Variants in CTNNA2 observed in about 807,000 individuals in gnomAD.
CTNNA2 encodes catenin alpha-2.
A neutral mutation model predicts 101.0 loss-of-function variants in CTNNA2; 42 were observed. The observed-to-expected ratio is 0.42, with a 90% CI of 0.32 to 0.54. The LOEUF (loss-of-function observed/expected upper bound fraction) is 0.54, where lower values mean the gene tolerates loss of function less well. Ranked by LOEUF, CTNNA2 falls within the 20% of genes least tolerant of loss-of-function variation. The pLI, the probability that CTNNA2 is intolerant of heterozygous loss-of-function variation, is 0.14. For missense variants in CTNNA2, 871 were observed against 1,223.1 expected, an observed-to-expected ratio of 0.71 and a Z score of 4.29; for synonymous variants, 450 against 456.4, an observed-to-expected ratio of 0.99 and a Z score of 0.18.
chr2:79,513,909 GAA>G (rs1454704398), intron 1 of CTNNA2, among the ~76,000 whole-genome samples: 13 of 152,196 alleles, frequency 8.5e-5, no homozygotes, highest in African/African-American at 2.9e-4. Context: ...CGAAAAAGGA[GAA>G]GAGAGGAAAG....
At chr2:79,260,015 T>C (rs1316257334) in intron 2 of CTNNA2, among the ~76,000 whole-genome samples, 3 of 152,194 alleles carry the variant, frequency 2.0e-5, no homozygotes, top group Non-Finnish European at 4.4e-5. Flanking sequence ...CACTTGCCAA[T>C]ACCTCTGGTA....
At chr2:79,211,571 C>G (rs1003795318) in intron 2 of CTNNA2, among the ~76,000 whole-genome samples, 1 of 152,058 alleles carries the variant, frequency 6.6e-6, no homozygotes, top group East Asian at 1.9e-4. Context: ...AGTAGGGGAG[C>G]TTTTGAGTCA....
chr2:80,332,143 A>T (rs1047854376), intron 7 of CTNNA2, among the ~76,000 whole-genome samples: 1 of 152,136 alleles, frequency 6.6e-6, no homozygotes, highest in Admixed American at 6.5e-5. Context: ...TACATGTCTT[A>T]GTTTACTTTT....
intron 2 of CTNNA2, among the ~76,000 whole-genome samples, chr2:79,231,536 G>A (rs1674493375): frequency 6.6e-6 from 1 of 152,164 alleles, no homozygotes; most frequent in Non-Finnish European, 1.5e-5. Context: ...CTGATGCACA[G>A]GCTTTTTGTT....
intron 2 of CTNNA2, among the ~76,000 whole-genome samples, chr2:79,272,750 T>C (rs1303872652): frequency 6.6e-6 from 1 of 152,122 alleles, no homozygotes; most frequent in Non-Finnish European, 1.5e-5. Flanking sequence ...GTAATTTTTA[T>C]GTGTTTTCTA....
intron 7 of CTNNA2, among the ~76,000 whole-genome samples, chr2:80,324,738 A>G (rs1269317232): frequency 6.6e-6 from 1 of 151,476 alleles, no homozygotes; most frequent in African/African-American, 2.4e-5. Flanking sequence ...CCCTCCCCTC[A>G]TCTTGCTGTT....
At chr2:79,692,365 A>T (rs1684360185) in intron 2 of CTNNA2, among the ~76,000 whole-genome samples, 1 of 152,132 alleles carries the variant, frequency 6.6e-6, no homozygotes, top group Non-Finnish European at 1.5e-5. Flanking sequence ...AAAAGTCAGG[A>T]AACAACAGAT....
intron 7 of CTNNA2, among the ~76,000 whole-genome samples, chr2:79,945,549 T>A (rs1382973226): frequency 6.6e-6 from 1 of 152,204 alleles, no homozygotes; most frequent in Non-Finnish European, 1.5e-5. Context: ...TGTGCGTTCA[T>A]TGACCAATGT....
intron 2 of CTNNA2, among the ~76,000 whole-genome samples, chr2:79,213,059 C>T (rs2104204027): frequency 6.6e-6 from 1 of 152,182 alleles, no homozygotes; most frequent in East Asian, 1.9e-4. Context: ...GAGATATTTC[C>T]CTTGGTCTAA....
At chr2:80,147,620 G>C (rs969954028) in intron 7 of CTNNA2, among the ~76,000 whole-genome samples, 2 of 152,286 alleles carry the variant, frequency 1.3e-5, no homozygotes, top group Non-Finnish European at 2.9e-5. Context: ...GCAAAGTCCT[G>C]TTGAGATGCT....
Position 79,874,254 on chromosome 2 carries a change from C to T in CTNNA2, c.764C>T (p.Ser255Phe), listed in dbSNP as rs772709424. 14 of 1,614,018 alleles carry T rather than the reference C, an allele frequency of 8.7e-6. No homozygotes were observed. The highest frequency in any genetic ancestry group is 1.2e-5 in the Non-Finnish European group (14 of 1,180,036). ...KQVQEAIAGI[S>F]NAAQATSPTD... is the part of the protein sequence containing the mutation. ...GTCCAGGAGGCCATCGCCGGCATCT[C>T]CAATGCTGCTCAAGCTACCTCGCCC... The change falls in exon 6 of 19, where the codon TCC becomes TTC. Residue 255 changes from serine to phenylalanine, a missense_variant. Physicochemically the swap from Ser to Phe is radical, Grantham distance 155. Transcript: ENST00000402739.
At chr2:79,657,022 A>T (rs1452295333) in intron 2 of CTNNA2, among the ~76,000 whole-genome samples, 1 of 150,144 alleles carries the variant, frequency 6.7e-6, no homozygotes, top group Non-Finnish European at 1.5e-5. Context: ...GAAAGAAAAG[A>T]TATAAAAAAT....
chr2:79,697,407 GTC>G (rs1200626113), intron 2 of CTNNA2, among the ~76,000 whole-genome samples: 1 of 152,048 alleles, frequency 6.6e-6, no homozygotes, highest in Admixed American at 6.6e-5. Context: ...AGTTCTGACA[GTC>G]TGTCAACACA....
At chr2:79,917,926 C>T (rs2916521) in intron 7 of CTNNA2, among the ~76,000 whole-genome samples, 90,509 of 151,320 alleles carry the variant, frequency 0.6, 27,332 homozygotes, top group East Asian at 0.77. Context: ...CAGTACCCAT[C>T]AGAGCTATGG....
intron 9 of CTNNA2, among the ~76,000 whole-genome samples, chr2:80,482,146 A>G (rs1158299676): frequency 1.3e-5 from 2 of 152,106 alleles, no homozygotes; most frequent in African/African-American, 4.8e-5. Flanking sequence ...AATAAAGGCA[A>G]CAGACTTTGA....
chr2:80,215,688 C>A (rs1708220357), intron 7 of CTNNA2, among the ~76,000 whole-genome samples: 1 of 152,204 alleles, frequency 6.6e-6, no homozygotes, highest in Non-Finnish European at 1.5e-5. Flanking sequence ...AGGTGTCTTG[C>A]AATTTGGCTA....
chr2:79,555,779 A>T (rs1674406653), intron 1 of CTNNA2, among the ~76,000 whole-genome samples: 2 of 152,142 alleles, frequency 1.3e-5, no homozygotes, highest in South Asian at 4.1e-4. Context: ...TCTCAGTGTT[A>T]CCCACTGACC....
intron 7 of CTNNA2, among the ~76,000 whole-genome samples, chr2:80,260,950 A>T (rs1672561422): frequency 6.6e-6 from 1 of 152,150 alleles, no homozygotes; most frequent in Non-Finnish European, 1.5e-5. Flanking sequence ...GCTGGGAACC[A>T]CATGTGGAAG....
chr2:79,845,547 G>A (rs1397874131), intron 3 of CTNNA2, among the ~76,000 whole-genome samples: 2 of 151,914 alleles, frequency 1.3e-5, no homozygotes, highest in Admixed American at 6.6e-5. Context: ...TCAGGCTGTC[G>A]GAACATTTTT....
Sources: allele counts gnomAD v4.1 joint callset (sites outside exome capture counted in the v4.1 genomes callset), GRCh38; gene constraint gnomAD v4.1.1; transcripts MANE v1.5; gene names NCBI Gene and HGNC (gene_info 2026-07-23, HGNC 2026-07-21).